EFNA2: variants seen among roughly 807,000 people sequenced by gnomAD.
The protein encoded by EFNA2 is ephrin-A2.
Under a neutral mutation model 19.7 loss-of-function variants are expected in EFNA2, and 18 were observed. That is an observed-to-expected ratio of 0.91 (90% CI 0.63 to 1.35). The LOEUF (loss-of-function observed/expected upper bound fraction) is 1.35. Among genes scored for constraint, EFNA2 ranks in the 40% most tolerant of loss-of-function variants. The probability of loss-of-function intolerance (pLI) is 0.00; values close to 1 mark genes in which losing one functional copy is unlikely to be tolerated. For synonymous variants in EFNA2, 187 were observed against 137.8 expected (o/e 1.36, Z -2.50); for missense variants, 303 against 296.0 (o/e 1.02, Z -0.17).
chr19:1,295,464 A>T lies in EFNA2; in HGVS notation c.141-81A>T, dbSNP rs947948045. On this transcript the variant is annotated intron_variant, in intron 1 of 3. Transcript: ENST00000215368. This position sits in a 1 kb window ranked among gnomAD's most constrained non-coding sequence, Gnocchi z 5.8. ...CCGTCCCTCGTGCTCCTGTCCCCTG[A>T]CCCTGGCCCTCCCCGCGCACCCCGA... 5.9e-6 allele frequency: 8 copies of T among 1,359,904 alleles called. No individual in the cohort carries two copies. In the African/African-American group the frequency reaches 1.3e-4, roughly 22 times the overall value. 84.2% of individuals were successfully genotyped at this position (1,359,904 alleles called of 1,614,324 possible). A position where few individuals can be genotyped will look rare whatever the true frequency, so the allele number is the denominator to read the frequency against.
Position 1,298,072 on chromosome 19 carries a change from C to CA in EFNA2, c.455-452dup, listed in dbSNP as rs58897953. 7.3e-3 allele frequency among the ~76,000 whole-genome samples: 366 copies of CA among 49,874 alleles called. 13 individuals carry two copies. The highest frequency in any genetic ancestry group is 0.01 in the Non-Finnish European group (265 of 25,632). 32.7% of individuals were successfully genotyped at this position (49,874 alleles called of 152,430 possible). On this transcript the variant is annotated intron_variant, in intron 2 of 3. Transcript: ENST00000215368. ...GGGCGACAAGAGCAAAGCTCCATCA[C>CA]AAAAAAAAAAAAAAAAAAAAAAAAA... is the stretch of plus-strand genomic sequence containing the variant.
chr19:1,288,960 C>T (rs973882599), intron 1 of EFNA2, among the ~76,000 whole-genome samples: 1 of 152,210 alleles, frequency 6.6e-6, no homozygotes, highest in Non-Finnish European at 1.5e-5. Context: ...CGGCTGCCCT[C>T]ACCTGTCCTG....
Position 1,295,069 on chromosome 19 carries a change from G to A in EFNA2, c.141-476G>A, listed in dbSNP as rs1470164463. 6.6e-6 allele frequency among the ~76,000 whole-genome samples: 1 copy of A among 152,054 alleles called. No homozygotes were observed. The highest frequency in any genetic ancestry group is 1.5e-5 in the Non-Finnish European group (1 of 67,990). On this transcript the variant is annotated intron_variant, in intron 1 of 3. Coordinates refer to ENST00000215368, the MANE Select transcript of EFNA2 (RefSeq NM_001405.4). This position sits in a 1 kb window ranked among gnomAD's most constrained non-coding sequence, Gnocchi z 5.8. ...TGCTGGCCCTGCCGTGGGGCTGTTG[G>A]GGACACTGAGGCAGGAGGTGGGGGG...
At chr19:1,292,136 C>T (rs569964399) in intron 1 of EFNA2, among the ~76,000 whole-genome samples, 3 of 152,210 alleles carry the variant, frequency 2.0e-5, no homozygotes, top group Non-Finnish European at 2.9e-5. Context: ...TCCCCAGGTG[C>T]GGTTTTGGGG....
chr19:1,291,860 T>A (rs2081493054), intron 1 of EFNA2, among the ~76,000 whole-genome samples: 1 of 152,210 alleles, frequency 6.6e-6, no homozygotes, highest in Non-Finnish European at 1.5e-5. Context: ...AGGGGAGCCC[T>A]GCTGGGTGAG....
intron 1 of EFNA2, among the ~76,000 whole-genome samples, chr19:1,291,823 G>A (rs190693115): frequency 9.8e-4 from 150 of 152,304 alleles, no homozygotes; most frequent in Non-Finnish European, 1.8e-3. Context: ...GGAAGCTGGT[G>A]ACAGCCAGGA....
chr19:1,295,962 G>A lies in EFNA2; in HGVS notation c.454+104G>A, dbSNP rs1382656927. Reference sequence around the variant, plus strand: ...ACTGGGGTGGGGCCGGGGAGTGGGCGGGGCAGCGCAGTGGGCGGGGCCGCG... The same window carrying A: ...ACTGGGGTGGGGCCGGGGAGTGGGCAGGGCAGCGCAGTGGGCGGGGCCGCG... On this transcript the variant is annotated intron_variant, in intron 2 of 3. Transcript: ENST00000215368. The surrounding 1 kb of genome is among the most constrained non-coding windows in gnomAD (Gnocchi z 5.8). 3.4e-6 allele frequency: 4 copies of A among 1,162,840 alleles called. No homozygotes were observed. The highest frequency in any genetic ancestry group is 4.6e-6 in the Non-Finnish European group (4 of 879,094). The allele number at this position is 1,162,840 out of a possible 1,614,324, so 72.0% of individuals were successfully genotyped here.
Position 1,297,786 on chromosome 19 carries a change from C to T in EFNA2, c.455-765C>T, listed in dbSNP as rs1385719317. Among the ~76,000 whole-genome samples the T allele has an allele frequency of 6.6e-6, 1 of 152,082 alleles. No homozygotes were observed. Among genetic ancestry groups the T allele is most frequent in the Admixed American group, 6.6e-5 (1 of 15,254 alleles). On this transcript the variant is annotated intron_variant, in intron 2 of 3. Transcript: ENST00000215368. The surrounding 1 kb of genome is among the most constrained non-coding windows in gnomAD (Gnocchi z 5.0). ...AGAACCAGTTGGAAATAATCTTTCCCAGCCAGGCGTGGCGGTGGCTCACGC... is the reference window on the plus strand; with the variant it reads ...AGAACCAGTTGGAAATAATCTTTCCTAGCCAGGCGTGGCGGTGGCTCACGC...
chr19:1,300,382 A>G lies in EFNA2; in HGVS notation c.*437A>G. ...CCTGTGCCCTGGCCTGGGGGAGGGG[A>G]ACGCGGAACATGGGGTCGGGAACAC... On this transcript the variant is annotated 3_prime_UTR_variant, in exon 4 of 4. Transcript: ENST00000215368. 1 of 156,646 alleles carries G rather than the reference A, an allele frequency of 6.4e-6. No homozygotes were observed. The highest frequency in any genetic ancestry group is 1.4e-5 in the Non-Finnish European group (1 of 72,278). 9.7% of individuals were successfully genotyped at this position (156,646 alleles called of 1,614,324 possible).
At position 1,286,333 on chromosome 19, in the gene EFNA2, C is replaced by G. The variant is rs1445823298; in HGVS notation, c.140+25C>G. On this transcript the variant is annotated intron_variant, in intron 1 of 3. Transcript: ENST00000215368. The surrounding 1 kb of genome is among the most constrained non-coding windows in gnomAD (Gnocchi z 5.6). ...GGTGAGCGCGGCCGCGCGCGGGGGG[C>G]GCCCGGGGACCCCCCAACGCCCCCC... The G allele has an allele frequency of 2.0e-6, 2 of 985,934 alleles. No individual in the cohort carries two copies. The highest frequency in any genetic ancestry group is 2.4e-6 in the Non-Finnish European group (2 of 831,346). 61.1% of individuals were successfully genotyped at this position (985,934 alleles called of 1,614,324 possible). A position where few individuals can be genotyped will look rare whatever the true frequency, so the allele number is the denominator to read the frequency against.
Position 1,297,386 on chromosome 19 carries a change from T to A in EFNA2, c.455-1165T>A, listed in dbSNP as rs937099263. ...TAATATGAGAAAAATTACATTTTTC[T>A]TTCTGAGACGGCAGTTTCATAAAGA... On this transcript the variant is annotated intron_variant, in intron 2 of 3. Transcript: ENST00000215368. The surrounding 1 kb of genome is among the most constrained non-coding windows in gnomAD (Gnocchi z 5.0). Among the ~76,000 whole-genome samples, 2 of 152,202 alleles carry A rather than the reference T, an allele frequency of 1.3e-5. No homozygotes were observed. The highest frequency in any genetic ancestry group is 4.8e-5 in the African/African-American group (2 of 41,452).
rs570001130 is a variant in EFNA2 at position 1,287,697 on chromosome 19, C to T, written c.140+1389C>T. On this transcript the variant is annotated intron_variant, in intron 1 of 3. Transcript: ENST00000215368. The surrounding 1 kb of genome is among the most constrained non-coding windows in gnomAD (Gnocchi z 6.2). ...GGGGGACGGCTGGCCCACCTCAGAG[C>T]GGGTCCCCGAGCCGCCCGCTGTGCT... 2.0e-5 allele frequency among the ~76,000 whole-genome samples: 3 copies of T among 151,762 alleles called. No individual in the cohort carries two copies. Among genetic ancestry groups the T allele is most frequent in the African/African-American group, 7.3e-5 (3 of 41,374 alleles).
At position 1,295,510 on chromosome 19, in the gene EFNA2, C is replaced by G; in HGVS notation, c.141-35C>G. On this transcript the variant is annotated intron_variant, in intron 1 of 3. Coordinates refer to ENST00000215368, the MANE Select transcript of EFNA2 (RefSeq NM_001405.4). This position sits in a 1 kb window ranked among gnomAD's most constrained non-coding sequence, Gnocchi z 5.8. ...CCCGACCCGTGCCCCGTTCCTCGCTCCGGGCGCTGACCTCTGGCCGCCTTG... is the reference window on the plus strand; with the variant it reads ...CCCGACCCGTGCCCCGTTCCTCGCTGCGGGCGCTGACCTCTGGCCGCCTTG... 6.6e-6 allele frequency: 10 copies of G among 1,514,392 alleles called. No individual in the cohort carries two copies. The highest frequency in any genetic ancestry group is 8.8e-6 in the Non-Finnish European group (10 of 1,133,854). The allele number at this position is 1,514,392 out of a possible 1,614,324, so 93.8% of individuals were successfully genotyped here. A position where few individuals can be genotyped will look rare whatever the true frequency, so the allele number is the denominator to read the frequency against.
In EFNA2 at chr19:1,295,517, C is replaced by T; in HGVS notation, c.141-28C>T. The T allele has an allele frequency of 1.3e-6, 2 of 1,533,284 alleles. No homozygotes were observed. Among genetic ancestry groups the T allele is most frequent in the Non-Finnish European group, 1.8e-6 (2 of 1,142,722 alleles). The allele number at this position is 1,533,284 out of a possible 1,614,324, so 95.0% of individuals were successfully genotyped here. ...CGTGCCCCGTTCCTCGCTCCGGGCG[C>T]TGACCTCTGGCCGCCTTGTCCCCGC... On this transcript the variant is annotated intron_variant, in intron 1 of 3. Transcript: ENST00000215368. The surrounding 1 kb of genome is among the most constrained non-coding windows in gnomAD (Gnocchi z 5.8).
chr19:1,287,442 G>C lies in EFNA2; in HGVS notation c.140+1134G>C, dbSNP rs1355920910. ...CCGTTTTCCAGCCGCTTCCTGTGCC[G>C]ACCGAGCCGCCCTCTGGAGCCCGCC... On this transcript the variant is annotated intron_variant, in intron 1 of 3. Transcript: ENST00000215368. This position sits in a 1 kb window ranked among gnomAD's most constrained non-coding sequence, Gnocchi z 6.2. 2.0e-5 allele frequency among the ~76,000 whole-genome samples: 3 copies of C among 152,112 alleles called. No homozygotes were observed. Among genetic ancestry groups the C allele is most frequent in the Non-Finnish European group, 4.4e-5 (3 of 68,022 alleles).
chr19:1,299,759 G>T, intron 3 of EFNA2, 65 bp from the exon 4 acceptor site: 1 of 1,518,998 alleles, frequency 6.6e-7, no homozygotes, highest in East Asian at 2.4e-5. Context: ...CTGAGGGCGG[G>T]CGGCACGTGG....
Position 1,294,828 on chromosome 19 carries a change from G to A in EFNA2, c.141-717G>A, listed in dbSNP as rs143352749. 2.6e-5 allele frequency among the ~76,000 whole-genome samples: 4 copies of A among 151,712 alleles called. No homozygotes were observed. The highest frequency in any genetic ancestry group is 2.0e-4 in the East Asian group (1 of 5,098). ...CGACCTGTGTCCCCCACGCTGCCCC[G>A]GTCCTTCTCAACAGGTGGGAGTGCA... On this transcript the variant is annotated intron_variant, in intron 1 of 3. Coordinates refer to ENST00000215368, the MANE Select transcript of EFNA2 (RefSeq NM_001405.4). This position sits in a 1 kb window ranked among gnomAD's most constrained non-coding sequence, Gnocchi z 5.8.
rs2081541370 is a variant in EFNA2 at position 1,301,150 on chromosome 19, T to C, written c.*1205T>C. On this transcript the variant is annotated 3_prime_UTR_variant, in exon 4 of 4. Coordinates refer to ENST00000215368, the MANE Select transcript of EFNA2 (RefSeq NM_001405.4). ...AAAGAAACTCCTCCCCGAAGACACT[T>C]TAATGAAGGAAACAACACATTTATA... is the stretch of plus-strand genomic sequence containing the variant. 6.6e-6 allele frequency among the ~76,000 whole-genome samples: 1 copy of C among 151,002 alleles called. No homozygotes were observed. Among genetic ancestry groups the C allele is most frequent in the African/African-American group, 2.4e-5 (1 of 41,222 alleles).
upstream of EFNA2, among the ~76,000 whole-genome samples, chr19:1,285,675 C>T (rs2081459929): frequency 6.6e-6 from 1 of 151,622 alleles, no homozygotes; most frequent in Non-Finnish European, 1.5e-5. This position sits in a 1 kb window ranked among gnomAD's most constrained non-coding sequence, Gnocchi z 4.1. Context: ...AGACCCCAGG[C>T]CGGGCCACGC....
Sources: allele counts gnomAD v4.1 joint callset (sites outside exome capture counted in the v4.1 genomes callset), GRCh38; gene constraint gnomAD v4.1.1; non-coding constraint Gnocchi (gnomAD v3.1); transcripts MANE v1.5; gene names NCBI Gene and HGNC (gene_info 2026-07-23, HGNC 2026-07-21).